Variants in MPRIP observed in about 807,000 individuals in gnomAD.
The protein encoded by MPRIP is myosin phosphatase Rho-interacting protein.
A neutral mutation model predicts 234.9 loss-of-function variants in MPRIP; 59 were observed. That is an observed-to-expected ratio of 0.25 (90% CI 0.20 to 0.31). MPRIP has a LOEUF of 0.31. Ranked by LOEUF, MPRIP falls within the 10% of genes least tolerant of loss-of-function variation. MPRIP has a pLI of 1.00. For synonymous variants in MPRIP, 1,144 were observed against 1,263.9 expected, an observed-to-expected ratio of 0.91 and a Z score of 2.01; for missense variants, 2,436 against 3,071.0, an observed-to-expected ratio of 0.79 and a Z score of 4.89.
chr17:17,078,225 C>T lies in MPRIP; in HGVS notation c.267+149C>T. On this transcript the variant is annotated intron_variant, in intron 3 of 23. Coordinates refer to ENST00000651222, the MANE Select transcript of MPRIP (RefSeq NM_001364716.4). The surrounding 1 kb of genome is among the most constrained non-coding windows in gnomAD (Gnocchi z 4.3). ...GTGGAATGTTTTGAAGAACTTGTGGCACCTGCTGGAGACAGCTTTAAAAAC... is the reference window on the plus strand; with the variant it reads ...GTGGAATGTTTTGAAGAACTTGTGGTACCTGCTGGAGACAGCTTTAAAAAC... 1 of 803,564 alleles carries T rather than the reference C, an allele frequency of 1.2e-6. No individual in the cohort carries two copies. The highest frequency in any genetic ancestry group is 2.0e-6 in the Non-Finnish European group (1 of 496,824). The allele number at this position is 803,564 out of a possible 1,614,324, so 49.8% of individuals were successfully genotyped here.
intron 3 of MPRIP, among the ~76,000 whole-genome samples, chr17:17,122,255 A>G (rs1402796266): frequency 5.3e-5 from 8 of 152,286 alleles, no homozygotes; most frequent in Middle Eastern, 3.4e-3. Flanking sequence ...GGCTGAACTA[A>G]TTTACACTCC....
At chr17:17,145,260 C>T (rs1189215990) in intron 9 of MPRIP, among the ~76,000 whole-genome samples, 1 of 152,204 alleles carries the variant, frequency 6.6e-6, no homozygotes, top group African/African-American at 2.4e-5. Flanking sequence ...TTCTCACTCT[C>T]ACTCCTTGGA....
rs138783514 is a variant in MPRIP at position 17,157,524 on chromosome 17, C to T, written c.1830-908C>T. On this transcript the variant is annotated intron_variant, in intron 13 of 23. Coordinates refer to ENST00000651222, the MANE Select transcript of MPRIP (RefSeq NM_001364716.4). ...ACTGATCCATCTGTCATGCCAGCAG[C>T]TGGATTGGGCTTTTAAAACATAGAT... Among the ~76,000 whole-genome samples the T allele has an allele frequency of 2.4e-4, 37 of 152,344 alleles. No homozygotes were observed. The East Asian group carries it at 6.4e-3, about 26-fold the overall frequency.
chr17:17,142,363 C>T (rs951033832), intron 7 of MPRIP: 13 of 378,948 alleles, frequency 3.4e-5, no homozygotes, highest in Admixed American at 3.4e-4. Context: ...TGTGTGAATG[C>T]CGAGTGGGTC....
intron 11 of MPRIP, 53 bp from the exon 12 acceptor site, chr17:17,150,091 G>T: frequency 7.4e-7 from 1 of 1,345,564 alleles, no homozygotes; most frequent in South Asian, 1.2e-5. Flanking sequence ...TGCTCATCTA[G>T]GCATTGGTTC....
chr17:17,149,547 G>C (rs1485191475), intron 11 of MPRIP, among the ~76,000 whole-genome samples: 2 of 151,686 alleles, frequency 1.3e-5, no homozygotes, highest in Admixed American at 6.6e-5. Flanking sequence ...CAAGAATCCA[G>C]CTGTCCTTTC....
intron 14 of MPRIP, among the ~76,000 whole-genome samples, chr17:17,159,530 G>C (rs2045816736): frequency 1.3e-5 from 2 of 152,236 alleles, no homozygotes; most frequent in South Asian, 4.1e-4. Flanking sequence ...AGGCAGGGTA[G>C]GCTGTGGATG....
At chr17:17,115,457 C>G (rs1028610120) in intron 3 of MPRIP, among the ~76,000 whole-genome samples, 4 of 152,192 alleles carry the variant, frequency 2.6e-5, no homozygotes, top group Non-Finnish European at 4.4e-5. Context: ...AGCTCTTTCT[C>G]GTGATGGAGC....
intron 18 of MPRIP, chr17:17,173,709 A>T: frequency 2.9e-6 from 2 of 698,606 alleles, no homozygotes; most frequent in Non-Finnish European, 5.2e-6. Context: ...TAGCTGTAGG[A>T]CTGTCAGACT....
At chr17:17,075,839 T>C in intron 2 of MPRIP, 52 bp downstream of exon 2, 1 of 1,559,850 alleles carries the variant, frequency 6.4e-7, no homozygotes, top group Middle Eastern at 1.7e-4. Context: ...GGGACCCATC[T>C]AAGGGTGAAC....
chr17:17,139,051 G>A (rs903151547), intron 7 of MPRIP, among the ~76,000 whole-genome samples: 3 of 152,244 alleles, frequency 2.0e-5, no homozygotes, highest in African/African-American at 7.2e-5. Flanking sequence ...GACTTTGACT[G>A]GCTGGAGAGA....
Position 17,147,257 on chromosome 17 carries a change from G to T in MPRIP, c.1561-62G>T. ...CAGGCTCTGGCTGCGCACCGCCGTG[G>T]CGTGGCAGGCATGCTGTATAGGAGT... On this transcript the variant is annotated intron_variant, in intron 10 of 23. Transcript: ENST00000651222. 5 of 1,519,332 alleles carry T rather than the reference G, an allele frequency of 3.3e-6. No individual in the cohort carries two copies. In the South Asian group the frequency reaches 4.5e-5, roughly 14 times the overall value. The allele number at this position is 1,519,332 out of a possible 1,614,324, so 94.1% of individuals were successfully genotyped here.
At position 17,179,998 on chromosome 17, in the gene MPRIP, C is replaced by T. The variant is rs758738619; in HGVS notation, c.7121-5C>T. 16 of 1,588,804 alleles carry T rather than the reference C, an allele frequency of 1.0e-5. No homozygotes were observed. In the Admixed American group the frequency reaches 2.0e-4, roughly 20 times the overall value. On this transcript the variant is annotated splice_region_variant and splice_polypyrimidine_tract_variant and intron_variant, in intron 22 of 23. Coordinates refer to ENST00000651222, the MANE Select transcript of MPRIP (RefSeq NM_001364716.4). Reference sequence around the variant, plus strand: ...AGGTCTGTTTGTTTTCATTATATACCGCAGATATAATGAAATCTAAAAGCA... The same window carrying T: ...AGGTCTGTTTGTTTTCATTATATACTGCAGATATAATGAAATCTAAAAGCA...
intron 1 of MPRIP, among the ~76,000 whole-genome samples, chr17:17,074,982 G>C (rs145369319): frequency 6.6e-6 from 1 of 152,072 alleles, no homozygotes; most frequent in Non-Finnish European, 1.5e-5. Flanking sequence ...CCTGTTTTCC[G>C]TTTTCTTGGG....
At chr17:17,101,061 C>G (rs1385883813) in intron 3 of MPRIP, among the ~76,000 whole-genome samples, 1 of 152,128 alleles carries the variant, frequency 6.6e-6, no homozygotes, top group Non-Finnish European at 1.5e-5. Context: ...TCTCTGCCAC[C>G]CTTCTGCTTC....
intron 3 of MPRIP, chr17:17,096,720 T>A (rs753209840): frequency 8.7e-5 from 41 of 470,732 alleles, no homozygotes; most frequent in South Asian, 6.4e-4. Flanking sequence ...GCCCTGTCCT[T>A]ACCCAGGGCC....
chr17:17,118,657 T>A (rs1011424222), intron 3 of MPRIP, among the ~76,000 whole-genome samples: 1 of 152,144 alleles, frequency 6.6e-6, no homozygotes, highest in Non-Finnish European at 1.5e-5. Flanking sequence ...GCCTGGTGGG[T>A]ACCTGCTAGG....
intron 3 of MPRIP, among the ~76,000 whole-genome samples, chr17:17,094,973 T>C (rs557692544): frequency 1.3e-5 from 2 of 152,138 alleles, no homozygotes; most frequent in Non-Finnish European, 2.9e-5. Context: ...TATTTGGCTA[T>C]TACTCCTTCT....
At position 17,165,763 on chromosome 17, in the gene MPRIP, A is replaced by G. The variant is rs779689383; in HGVS notation, c.4172A>G (p.Tyr1391Cys). The change falls in exon 16 of 24, where the codon TAC (tyrosine) becomes TGC (cysteine). Residue 1391 changes from tyrosine (Y) to cysteine (C), a missense_variant. This residue lies in a region of MPRIP where 1,998 missense variants were observed against 2,520.3 expected (regional missense o/e 0.79). Transcript: ENST00000651222. ...SIIHSLETKL[Y>C]VTEEKLKDVT... ...ATCCACTCCCTGGAGACCAAGCTCTACGTCACAGAGGAAAAGCTCAAAGAC... is the reference window on the plus strand; with the variant it reads ...ATCCACTCCCTGGAGACCAAGCTCTGCGTCACAGAGGAAAAGCTCAAAGAC... 7.2e-5 allele frequency: 94 copies of G among 1,304,642 alleles called. No homozygotes were observed. The highest frequency in any genetic ancestry group is 1.6e-4 in the Admixed American group (7 of 43,562). 80.8% of individuals were successfully genotyped at this position (1,304,642 alleles called of 1,614,324 possible).
Sources: gnomAD v4.1 joint callset for allele counts (sites outside exome capture counted in the v4.1 genomes callset) on GRCh38, gnomAD v4.1.1 for gene constraint, gnomAD v4.1.1 regional missense constraint, Gnocchi (gnomAD v3.1) non-coding constraint, MANE v1.5 for transcripts, NCBI Gene and HGNC (gene_info 2026-07-23, HGNC 2026-07-21) for gene names.